Variants in CDH13 observed in about 807,000 individuals in gnomAD.
CDH13 encodes the protein cadherin-13.
CDH13 carries 24 observed loss-of-function variants against 63.8 expected under a neutral mutation model. The ratio of observed to expected loss-of-function variants is 0.38; its 90% CI spans 0.27 to 0.53. The LOEUF is 0.53. Ranked by LOEUF, CDH13 falls within the 20% of genes least tolerant of loss-of-function variation. The pLI is 0.85. For missense variants in CDH13, 1,049 were observed against 903.1 expected, an observed-to-expected ratio of 1.16 and a Z score of -2.07; for synonymous variants, 503 against 355.3, an observed-to-expected ratio of 1.42 and a Z score of -4.67.
chr16:82,719,506 G>A (rs1567463668), intron 1 of CDH13: 1 of 452,242 alleles, frequency 2.2e-6, no homozygotes, highest in Non-Finnish European at 4.4e-6. Flanking sequence ...AGGCAGTGAT[G>A]GAAGTGGAGC....
At chr16:83,043,910 T>G (rs982086186) in intron 3 of CDH13, among the ~76,000 whole-genome samples, 5 of 152,086 alleles carry the variant, frequency 3.3e-5, no homozygotes, top group African/African-American at 1.2e-4. Context: ...GTCATTGAAA[T>G]GTAGTATATA....
intron 2 of CDH13, among the ~76,000 whole-genome samples, chr16:82,929,488 A>G (rs901136832): frequency 3.3e-5 from 5 of 151,332 alleles, no homozygotes; most frequent in African/African-American, 1.2e-4. Flanking sequence ...CGTCTCTACT[A>G]AAAATACAAA....
At chr16:82,746,380 C>A (rs894288575) in intron 1 of CDH13, among the ~76,000 whole-genome samples, 7 of 151,808 alleles carry the variant, frequency 4.6e-5, no homozygotes, top group Non-Finnish European at 8.8e-5. Flanking sequence ...TCTAGGCAAA[C>A]CTGAGATGCT....
chr16:83,602,421 G>A (rs771572174), intron 7 of CDH13, 33 bp from the exon 8 acceptor site: 6 of 1,613,110 alleles, frequency 3.7e-6, no homozygotes, highest in Non-Finnish European at 5.1e-6. Flanking sequence ...AAATCTAAAT[G>A]TCATATTATT....
rs115315110 is a variant in CDH13, at chr16:83,343,389, A to C, written c.637-1473A>C. 6.3e-3 allele frequency among the ~76,000 whole-genome samples: 961 copies of C among 152,312 alleles called. 10 individuals carry two copies. The highest frequency in any genetic ancestry group is 0.022 in the African/African-American group (917 of 41,564). On this transcript the variant is annotated intron_variant, in intron 5 of 13. Transcript: ENST00000567109. The stretch of plus-strand genomic sequence containing the variant: ...CCTTCAACTAGTTCCCTTCCACTGG[A>C]TGTTCAGGCAGATGCCAGTGTAATT...
At position 82,875,081 on chromosome 16, in the gene CDH13, C is replaced by T. The variant is rs2040461115; in HGVS notation, c.157+16608C>T. The stretch of plus-strand genomic sequence containing the variant: ...GCACATGACAGCTTTGATTATGCTT[C>T]CAAGGTTTTGTTCATTTTTGGGGCA... On this transcript the variant is annotated intron_variant, in intron 2 of 13. Transcript: ENST00000567109. Among the ~76,000 whole-genome samples, 4 of 152,160 alleles carry T rather than the reference C, an allele frequency of 2.6e-5. No homozygotes were observed. The South Asian group carries it at 8.3e-4, about 32-fold the overall frequency.
chr16:82,805,085 T>C (rs1301846699), intron 1 of CDH13, among the ~76,000 whole-genome samples: 1 of 152,156 alleles, frequency 6.6e-6, no homozygotes, highest in Non-Finnish European at 1.5e-5. Flanking sequence ...TTGTTAACAG[T>C]AGAAGAGAGT....
intron 1 of CDH13, among the ~76,000 whole-genome samples, chr16:82,815,760 C>T (rs1404471745): frequency 6.6e-6 from 1 of 152,098 alleles, no homozygotes; most frequent in Non-Finnish European, 1.5e-5. Flanking sequence ...GTGTTGTCCA[C>T]CCATTATACT....
At chr16:83,427,785 A>T (rs2071957770) in intron 6 of CDH13, among the ~76,000 whole-genome samples, 1 of 152,154 alleles carries the variant, frequency 6.6e-6, no homozygotes, top group Non-Finnish European at 1.5e-5. Flanking sequence ...TCAAGAACCA[A>T]CCACAGAGTT....
chr16:82,704,218 A>G (rs1003368794), intron 1 of CDH13, among the ~76,000 whole-genome samples: 22 of 152,140 alleles, frequency 1.4e-4, no homozygotes, highest in Admixed American at 1.1e-3. Context: ...AGCAGGCTCT[A>G]GGGGCACACT....
At chr16:83,048,866 C>T (rs1348053631) in intron 3 of CDH13, among the ~76,000 whole-genome samples, 3 of 152,118 alleles carry the variant, frequency 2.0e-5, no homozygotes, top group Non-Finnish European at 2.9e-5. Context: ...TCCTTCAAAT[C>T]GCTGCCTCCC....
intron 4 of CDH13, among the ~76,000 whole-genome samples, chr16:83,152,540 A>T (rs1161694225): frequency 1.3e-5 from 2 of 152,074 alleles, no homozygotes; most frequent in Non-Finnish European, 2.9e-5. Flanking sequence ...ATATTTCTAT[A>T]TTTATTTGAC....
rs149571751 is a variant in CDH13, at chr16:82,697,595, A to G, written c.45+70458A>G. 4.4e-3 allele frequency among the ~76,000 whole-genome samples: 671 copies of G among 151,434 alleles called. 4 individuals carry two copies. Among genetic ancestry groups the G allele is most frequent in the African/African-American group, 0.015 (629 of 41,294 alleles). On this transcript the variant is annotated intron_variant, in intron 1 of 13. Coordinates refer to ENST00000567109, the MANE Select transcript of CDH13 (RefSeq NM_001257.5). ...AGGTGCCCGCCACTATGCCCAGCTA[A>G]TTTTTTGTGTTTTTAGTAGAGACGG...
At chr16:83,209,907 G>C (rs536853752) in intron 4 of CDH13, among the ~76,000 whole-genome samples, 39 of 152,222 alleles carry the variant, frequency 2.6e-4, no homozygotes, top group African/African-American at 8.9e-4. Context: ...AGAGTAGGTG[G>C]GGGATGGCCA....
At chr16:83,349,248 A>G (rs1244639791) in intron 6 of CDH13, among the ~76,000 whole-genome samples, 5 of 152,344 alleles carry the variant, frequency 3.3e-5, no homozygotes, top group South Asian at 4.1e-4. Context: ...CCTTGGGGGC[A>G]TACAGATCTC....
intron 4 of CDH13, among the ~76,000 whole-genome samples, chr16:83,170,559 C>T (rs1284570574): frequency 6.6e-6 from 1 of 152,120 alleles, no homozygotes; most frequent in Admixed American, 6.6e-5. Context: ...AGCTATCTGT[C>T]AGTCTTAGTA....
At chr16:83,636,162 C>T (rs1340088985) in intron 8 of CDH13, among the ~76,000 whole-genome samples, 2 of 151,900 alleles carry the variant, frequency 1.3e-5, no homozygotes, top group African/African-American at 4.8e-5. Flanking sequence ...GTCCTCCGTT[C>T]TGTCCCATTG....
At chr16:82,921,902 T>G (rs1199565650) in intron 2 of CDH13, among the ~76,000 whole-genome samples, 2 of 152,190 alleles carry the variant, frequency 1.3e-5, no homozygotes, top group Admixed American at 6.5e-5. Context: ...AGAAATATTC[T>G]AAATTACTGA....
At position 83,798,890 on chromosome 16, in the gene CDH13, G is replaced by A. The variant is rs1028293884; in HGVS notation, c.*3860G>A. 2 of 151,520 alleles carry A rather than the reference G, an allele frequency of 1.3e-5. No individual in the cohort carries two copies. The highest frequency in any genetic ancestry group is 4.9e-5 in the African/African-American group (2 of 41,172). The allele number at this position is 151,520 out of a possible 1,614,324, so 9.4% of individuals were successfully genotyped here. A position where few individuals can be genotyped will look rare whatever the true frequency, so the allele number is the denominator to read the frequency against. ...TGTTAAAAAAAAAAATGTTAACATC[G>A]TTCTAAATTAATATTGAGACCTTAG... is the stretch of plus-strand genomic sequence containing the variant. On this transcript the variant is annotated 3_prime_UTR_variant, in exon 14 of 14. Transcript: ENST00000567109.
Sources: gnomAD v4.1 joint callset for allele counts (sites outside exome capture counted in the v4.1 genomes callset) on GRCh38, gnomAD v4.1.1 for gene constraint, MANE v1.5 for transcripts, NCBI Gene and HGNC (gene_info 2026-07-23, HGNC 2026-07-21) for gene names.